IQSEC1: variants seen among roughly 807,000 people sequenced by gnomAD.
IQSEC1 encodes the protein IQ motif and SEC7 domain-containing protein 1.
A neutral mutation model predicts 91.0 loss-of-function variants in IQSEC1; 31 were observed. That is an observed-to-expected ratio of 0.34 (90% CI 0.26 to 0.46). The LOEUF (loss-of-function observed/expected upper bound fraction) is 0.46. Ranked by LOEUF, IQSEC1 falls within the 20% of genes least tolerant of loss-of-function variation. The probability of loss-of-function intolerance (pLI) is 1.00; values close to 1 mark genes in which losing one functional copy is unlikely to be tolerated. For missense variants in IQSEC1, 1,388 were observed against 1,575.6 expected (o/e 0.88, Z 2.02); for synonymous variants, 699 against 662.6 (o/e 1.05, Z -0.84).
chr3:13,021,356 C>G (rs1324322217), intron 1 of IQSEC1, among the ~76,000 whole-genome samples: 3 of 152,226 alleles, frequency 2.0e-5, no homozygotes, highest in Non-Finnish European at 2.9e-5. Context: ...TCCAGATACC[C>G]CCACCACCCC....
rs1559595520 is a variant in IQSEC1, at chr3:12,901,187, G to A, written c.3141C>T (p.His1047=). 6.6e-6 allele frequency: 10 copies of A among 1,512,576 alleles called. No homozygotes were observed. In the South Asian group the frequency reaches 1.2e-4, roughly 18 times the overall value. 93.7% of individuals were successfully genotyped at this position (1,512,576 alleles called of 1,614,324 possible). A position where few individuals can be genotyped will look rare whatever the true frequency, so the allele number is the denominator to read the frequency against. The change falls in exon 14 of 14, where the codon CAC becomes CAT. Residue 1047 remains histidine (H), a synonymous_variant. Transcript: ENST00000613206. Reference sequence around the variant, plus strand: ...GTGCGTGCTGGATGTGCTGGGGTGGGTGGTGGTGGTGGTGATGGTGGTACG... The same window carrying A: ...GTGCGTGCTGGATGTGCTGGGGTGGATGGTGGTGGTGGTGATGGTGGTACG... The part of the protein sequence containing the change: ...PPPYHHHHHH[H]PPQHIQHAHQ...
chr3:13,192,682 G>A (rs1246638450), intron 1 of IQSEC1, among the ~76,000 whole-genome samples: 1 of 152,256 alleles, frequency 6.6e-6, no homozygotes, highest in African/African-American at 2.4e-5. Context: ...GGCAGTGAGA[G>A]GTTTCACAGC....
At chr3:13,055,598 T>C (rs1704847553) in intron 1 of IQSEC1, among the ~76,000 whole-genome samples, 1 of 152,118 alleles carries the variant, frequency 6.6e-6, no homozygotes, top group Non-Finnish European at 1.5e-5. Flanking sequence ...TCACCACCCG[T>C]GTAGAGCAGG....
At chr3:13,155,245 C>T (rs1707066827) in intron 2 of IQSEC1, among the ~76,000 whole-genome samples, 1 of 152,086 alleles carries the variant, frequency 6.6e-6, no homozygotes, top group Non-Finnish European at 1.5e-5. Context: ...CGATTCACCA[C>T]TTAGATTGAC....
chr3:12,925,466 A>C (rs1287451966), intron 3 of IQSEC1, among the ~76,000 whole-genome samples: 12 of 152,174 alleles, frequency 7.9e-5, no homozygotes. Flanking sequence ...CCCCTGCTGT[A>C]AACACTGAGG....
At chr3:13,002,000 G>T (rs1559711363) in intron 1 of IQSEC1, among the ~76,000 whole-genome samples, 1 of 152,116 alleles carries the variant, frequency 6.6e-6, no homozygotes, top group African/African-American at 2.4e-5. Context: ...AGGGTGGGGG[G>T]TGGCAGAGGT....
At chr3:13,082,798 C>T (rs2125130127) in intron 2 of IQSEC1, among the ~76,000 whole-genome samples, 1 of 152,308 alleles carries the variant, frequency 6.6e-6, no homozygotes, top group South Asian at 2.1e-4. Flanking sequence ...CCCCTCCTGA[C>T]CTTCATCTTC....
Position 12,909,965 on chromosome 3 carries a change from T to A in IQSEC1, c.2417-531A>T, listed in dbSNP as rs1664875614. Among the ~76,000 whole-genome samples the A allele has an allele frequency of 6.6e-6, 1 of 152,214 alleles. No homozygotes were observed. The highest frequency in any genetic ancestry group is 2.1e-4 in the South Asian group (1 of 4,838). ...GGCAGAGCATCAGCCACTGGATGTT[T>A]GAAGGTTCTTGGACCAAGTACCAAT... On this transcript the variant is annotated intron_variant, in intron 10 of 13. Transcript: ENST00000613206. This position sits in a 1 kb window ranked among gnomAD's most constrained non-coding sequence, Gnocchi z 4.9.
intron 1 of IQSEC1, among the ~76,000 whole-genome samples, chr3:13,218,900 C>T (rs747559152): frequency 6.6e-6 from 1 of 152,184 alleles, no homozygotes; most frequent in African/African-American, 2.4e-5. Flanking sequence ...GGCTTCTACA[C>T]GTCCTCAAAC....
At chr3:13,173,194 C>G (rs1387593943) in intron 1 of IQSEC1, among the ~76,000 whole-genome samples, 1 of 152,222 alleles carries the variant, frequency 6.6e-6, no homozygotes, top group Non-Finnish European at 1.5e-5. Context: ...AAGCAGTCAC[C>G]TTGACACAAA....
Position 12,924,492 on chromosome 3 carries a change from G to T in IQSEC1, c.1730+89C>A. The T allele has an allele frequency of 7.3e-7, 1 of 1,364,748 alleles. No individual in the cohort carries two copies. Among genetic ancestry groups the T allele is most frequent in the Non-Finnish European group, 9.9e-7 (1 of 1,005,912 alleles). 84.5% of individuals were successfully genotyped at this position (1,364,748 alleles called of 1,614,324 possible). On this transcript the variant is annotated intron_variant, in intron 4 of 13. Coordinates refer to ENST00000613206, the MANE Select transcript of IQSEC1 (RefSeq NM_001134382.3). The surrounding 1 kb of genome is among the most constrained non-coding windows in gnomAD (Gnocchi z 6.3). ...CCACATGTCCCAGCAAGTAGGGTGG[G>T]CCTGGCCCTGTGTGTGCCCACGGGT...
rs893845179 is a variant in IQSEC1, at chr3:12,900,295, T to C, written c.*688A>G. The stretch of plus-strand genomic sequence containing the variant: ...CTTCTTTGTATGAAAATATGAAGTA[T>C]CTGAATTTGTTCCTAGCATTTAGGG... On this transcript the variant is annotated 3_prime_UTR_variant, in exon 14 of 14. Coordinates refer to ENST00000613206, the MANE Select transcript of IQSEC1 (RefSeq NM_001134382.3). 1.9e-5 allele frequency: 19 copies of C among 984,916 alleles called. No individual in the cohort carries two copies. Among genetic ancestry groups the C allele is most frequent in the Non-Finnish European group, 2.3e-5 (19 of 829,572 alleles). 61.0% of individuals were successfully genotyped at this position (984,916 alleles called of 1,614,324 possible). A position where few individuals can be genotyped will look rare whatever the true frequency, so the allele number is the denominator to read the frequency against.
At chr3:13,149,240 A>G (rs924711248) in intron 2 of IQSEC1, among the ~76,000 whole-genome samples, 2 of 152,112 alleles carry the variant, frequency 1.3e-5, no homozygotes, top group Admixed American at 6.5e-5. Context: ...TGACCCATTC[A>G]CAGTGGGAAC....
intron 2 of IQSEC1, among the ~76,000 whole-genome samples, chr3:13,141,277 G>A (rs1262475348): frequency 1.3e-5 from 2 of 152,174 alleles, no homozygotes; most frequent in African/African-American, 2.4e-5. Context: ...CAATGGAAAC[G>A]GAAAAGCATG....
chr3:13,137,251 T>C (rs1559262510), intron 2 of IQSEC1, among the ~76,000 whole-genome samples: 1 of 152,222 alleles, frequency 6.6e-6, no homozygotes, highest in Admixed American at 6.5e-5. Flanking sequence ...CACAGCAGCA[T>C]TGTTAATAAT....
chr3:13,059,131 C>T (rs1004768577), intron 1 of IQSEC1, among the ~76,000 whole-genome samples: 60 of 152,104 alleles, frequency 3.9e-4, no homozygotes, highest in African/African-American at 1.4e-3. Flanking sequence ...CTTCCACCCC[C>T]GACCTCCAGA....
intron 2 of IQSEC1, among the ~76,000 whole-genome samples, chr3:13,094,044 G>C (rs1705913817): frequency 6.6e-6 from 1 of 152,184 alleles, no homozygotes; most frequent in Non-Finnish European, 1.5e-5. Context: ...GGGGTTCCTG[G>C]TGCCTATCGT....
At chr3:13,050,961 G>T (rs913068687) in intron 1 of IQSEC1, among the ~76,000 whole-genome samples, 1 of 152,018 alleles carries the variant, frequency 6.6e-6, no homozygotes, top group East Asian at 1.9e-4. Context: ...TTATATATAT[G>T]AATATATGAG....
intron 1 of IQSEC1, among the ~76,000 whole-genome samples, chr3:13,202,002 A>G (rs1308870702): frequency 1.3e-5 from 2 of 152,244 alleles, no homozygotes; most frequent in African/African-American, 4.8e-5. Flanking sequence ...TTTCCAATCC[A>G]CAGTGACACT....
Sources: allele counts gnomAD v4.1 joint callset (sites outside exome capture counted in the v4.1 genomes callset), GRCh38; gene constraint gnomAD v4.1.1; non-coding constraint Gnocchi (gnomAD v3.1); transcripts MANE v1.5; gene names NCBI Gene and HGNC (gene_info 2026-07-23, HGNC 2026-07-21).